The following HDAC9 variants were observed in gnomAD, a reference collection of about 807,000 sequenced individuals.
HDAC9 encodes the protein histone deacetylase 9, also known as MEF-2 interacting transcription repressor (MITR) protein.
A neutral mutation model predicts 139.4 loss-of-function variants in HDAC9; 41 were observed. The ratio of observed to expected loss-of-function variants is 0.29; its 90% CI spans 0.23 to 0.38. The LOEUF (loss-of-function observed/expected upper bound fraction) is 0.38. Ranked by LOEUF, HDAC9 falls within the 10% of genes least tolerant of loss-of-function variation. The pLI is 1.00. For synonymous variants in HDAC9, 517 were observed against 476.2 expected, an observed-to-expected ratio of 1.09 and a Z score of -1.12; for missense variants, 1,147 against 1,297.0, an observed-to-expected ratio of 0.88 and a Z score of 1.78.
At chr7:18,538,906 T>C (rs1432998271) in intron 2 of HDAC9, among the ~76,000 whole-genome samples, 1 of 152,114 alleles carries the variant, frequency 6.6e-6, no homozygotes, top group African/African-American at 2.4e-5. Flanking sequence ...GTGGAGGGGC[T>C]GCCTCTAGGG....
At chr7:18,820,407 A>T (rs564002158) in intron 17 of HDAC9, among the ~76,000 whole-genome samples, 8 of 152,214 alleles carry the variant, frequency 5.3e-5, no homozygotes, top group Non-Finnish European at 1.2e-4. Flanking sequence ...AAAAGCAGAT[A>T]CTGTAAGAAT....
chr7:18,965,552 A>C (rs575575395), intron 24 of HDAC9, among the ~76,000 whole-genome samples: 4 of 152,354 alleles, frequency 2.6e-5, no homozygotes, highest in Admixed American at 2.6e-4. Flanking sequence ...GAAAAGGAAG[A>C]GGAATAGTGA....
At chr7:18,475,432 T>C (rs567590500) in intron 1 of HDAC9, among the ~76,000 whole-genome samples, 24 of 152,212 alleles carry the variant, frequency 1.6e-4, no homozygotes, top group Admixed American at 3.3e-4. Flanking sequence ...TGGTTACCAT[T>C]TCCCCTGTCC....
chr7:18,345,312 G>T (rs2128666513), intron 1 of HDAC9, among the ~76,000 whole-genome samples: 1 of 152,004 alleles, frequency 6.6e-6, no homozygotes, highest in Middle Eastern at 3.4e-3. Flanking sequence ...ATGTTCTTTA[G>T]TTCTTCATTG....
chr7:18,088,016 T>C (rs923253461), intron 1 of HDAC9: 1 of 152,272 alleles, frequency 6.6e-6, no homozygotes, highest in Admixed American at 6.5e-5. Flanking sequence ...TCCTGTGATG[T>C]GGACTTGGAG....
chr7:18,525,316 A>G (rs2128223871), intron 2 of HDAC9, among the ~76,000 whole-genome samples: 1 of 152,264 alleles, frequency 6.6e-6, no homozygotes, highest in South Asian at 2.1e-4. Context: ...AAAAAAATCT[A>G]ATTGCGTTAA....
At chr7:18,605,222 T>G (rs1835123742) in intron 6 of HDAC9, among the ~76,000 whole-genome samples, 1 of 152,190 alleles carries the variant, frequency 6.6e-6, no homozygotes, top group Admixed American at 6.5e-5. Flanking sequence ...ACTGTTATAA[T>G]ACAGAACCTG....
chr7:18,141,142 G>GA (rs1242035847), intron 1 of HDAC9, among the ~76,000 whole-genome samples: 3 of 152,168 alleles, frequency 2.0e-5, no homozygotes, highest in African/African-American at 7.2e-5. Flanking sequence ...TCTGTAATGA[G>GA]TGTTTTGCAG....
In HDAC9 at chr7:18,761,492, A is replaced by T. The variant is rs75943762; in HGVS notation, c.2044-665A>T. Among the ~76,000 whole-genome samples, 5 of 152,348 alleles carry T rather than the reference A, an allele frequency of 3.3e-5. No individual in the cohort carries two copies. In the East Asian group the frequency reaches 9.6e-4, roughly 29 times the overall value. On this transcript the variant is annotated intron_variant, in intron 14 of 25. Transcript: ENST00000686413. ...CAAAAGTGAAATAAATATTGAAGAGAGGTAAGATTATAGTAGATTCAAAAG... is the reference window on the plus strand; with the variant it reads ...CAAAAGTGAAATAAATATTGAAGAGTGGTAAGATTATAGTAGATTCAAAAG...
At chr7:18,613,569 A>G (rs2128917457) in intron 6 of HDAC9, among the ~76,000 whole-genome samples, 1 of 152,276 alleles carries the variant, frequency 6.6e-6, no homozygotes, top group Admixed American at 6.5e-5. Context: ...ACAAAAATTC[A>G]TTGAAATTTA....
Position 18,155,093 on chromosome 7 carries a change from C to CTTTCTTTCTTTCTTTCTTTCTTTCTTTCT in HDAC9, c.-96-7133_-96-7132insCTTTCTTTCTTTCTTTCTTTCTTTCTTTT, listed in dbSNP as rs761803907. ...GCTTTTTTTCTTTCTTTCTTTCTTT[C>CTTTCTTTCTTTCTTTCTTTCTTTCTTTCT]TTTTTTTTTTTTTAACAACCTCTTT... is the stretch of plus-strand genomic sequence containing the variant. On this transcript the variant is annotated intron_variant, in intron 1 of 12. Coordinates refer to the HDAC9 transcript ENST00000417496. Among the ~76,000 whole-genome samples the CTTTCTTTCTTTCTTTCTTTCTTTCTTTCT allele has an allele frequency of 2.0e-3, 287 of 141,678 alleles. 1 individual carries two copies. The highest frequency in any genetic ancestry group is 5.3e-3 in the East Asian group (25 of 4,754). 92.9% of individuals were successfully genotyped at this position (141,678 alleles called of 152,430 possible). A position where few individuals can be genotyped will look rare whatever the true frequency, so the allele number is the denominator to read the frequency against.
intron 1 of HDAC9, among the ~76,000 whole-genome samples, chr7:18,348,866 T>A (rs1053687734): frequency 2.6e-5 from 4 of 152,198 alleles, no homozygotes; most frequent in African/African-American, 9.6e-5. Context: ...TATTATTTAA[T>A]CTTCACAGTA....
intron 2 of HDAC9, among the ~76,000 whole-genome samples, chr7:18,166,495 C>T (rs1055383827): frequency 8.5e-5 from 13 of 152,210 alleles, no homozygotes; most frequent in African/African-American, 3.1e-4. Flanking sequence ...AGCTGAATTC[C>T]CCCATAGAAA....
intron 2 of HDAC9, among the ~76,000 whole-genome samples, chr7:18,186,616 A>T (rs1417636630): frequency 6.6e-6 from 1 of 152,238 alleles, no homozygotes; most frequent in Non-Finnish European, 1.5e-5. Flanking sequence ...GTGGGAAGCC[A>T]GGAAAATTTG....
intron 11 of HDAC9, among the ~76,000 whole-genome samples, chr7:18,650,861 G>C (rs1370392565): frequency 1.1e-4 from 16 of 152,140 alleles, no homozygotes. Flanking sequence ...TGGGTGTTTA[G>C]ATGACTCAAG....
intron 2 of HDAC9, among the ~76,000 whole-genome samples, chr7:18,222,108 G>A (rs1020614869): frequency 2.6e-5 from 4 of 152,072 alleles, no homozygotes; most frequent in Admixed American, 6.5e-5. Flanking sequence ...TGAAAGGTGC[G>A]AGGTTTAGAT....
intron 1 of HDAC9, among the ~76,000 whole-genome samples, chr7:18,128,614 G>T (rs1784818059): frequency 6.6e-6 from 1 of 152,080 alleles, no homozygotes; most frequent in African/African-American, 2.4e-5. Flanking sequence ...AGAAGCAGGG[G>T]ATCTGGAAAG....
chr7:18,862,925 T>C (rs1798223140), intron 21 of HDAC9, among the ~76,000 whole-genome samples: 1 of 152,190 alleles, frequency 6.6e-6, no homozygotes, highest in Non-Finnish European at 1.5e-5. Context: ...GTGAAAATTT[T>C]TGAGCCCAAT....
At chr7:18,269,513 C>A (rs1796217110) in intron 2 of HDAC9, among the ~76,000 whole-genome samples, 1 of 152,126 alleles carries the variant, frequency 6.6e-6, no homozygotes, top group African/African-American at 2.4e-5. Flanking sequence ...TCACCACTCA[C>A]CAGTCTCCAG....
Sources: allele counts gnomAD v4.1 joint callset (sites outside exome capture counted in the v4.1 genomes callset), GRCh38; gene constraint gnomAD v4.1.1; transcripts MANE v1.5; gene names NCBI Gene and HGNC (gene_info 2026-07-23, HGNC 2026-07-21).